ASIC2: variants seen among roughly 807,000 people sequenced by gnomAD.
The protein encoded by ASIC2 is acid sensing ion channel subunit 2, also known as acid-sensing ion channel 2.
In ASIC2, 25 loss-of-function variants were observed where a neutral mutation model predicts 57.3. The observed-to-expected ratio is 0.44, with a 90% CI of 0.32 to 0.61. The LOEUF (loss-of-function observed/expected upper bound fraction) is 0.61. Ranked by LOEUF, ASIC2 falls within the 20% of genes least tolerant of loss-of-function variation. ASIC2 has a pLI of 0.06. For synonymous variants in ASIC2, 319 were observed against 307.5 expected, an observed-to-expected ratio of 1.04 and a Z score of -0.39; for missense variants, 641 against 738.1, an observed-to-expected ratio of 0.87 and a Z score of 1.52.
At chr17:33,481,712 A>C (rs1913412259) in intron 1 of ASIC2, among the ~76,000 whole-genome samples, 1 of 152,230 alleles carries the variant, frequency 6.6e-6, no homozygotes. Flanking sequence ...AAACAAAAAC[A>C]AAACAAAACC....
chr17:33,698,063 A>G (rs1213949165), intron 1 of ASIC2, among the ~76,000 whole-genome samples: 1 of 152,260 alleles, frequency 6.6e-6, no homozygotes, highest in Non-Finnish European at 1.5e-5. Context: ...TAATTACAAA[A>G]TTAGAACTAC....
intron 1 of ASIC2, among the ~76,000 whole-genome samples, chr17:33,405,737 C>T (rs1035952125): frequency 5.3e-5 from 8 of 152,120 alleles, no homozygotes; most frequent in African/African-American, 1.9e-4. Context: ...CCGCCTTGGC[C>T]TCCCAAAGTG....
intron 1 of ASIC2, among the ~76,000 whole-genome samples, chr17:33,740,471 G>A (rs905930890): frequency 2.0e-5 from 3 of 152,178 alleles, no homozygotes; most frequent in Non-Finnish European, 4.4e-5. Context: ...GTCAGATCTC[G>A]TGAGAGCTCA....
chr17:33,560,205 G>T (rs1375468190), intron 1 of ASIC2, among the ~76,000 whole-genome samples: 1 of 152,192 alleles, frequency 6.6e-6, no homozygotes, highest in Admixed American at 6.5e-5. Flanking sequence ...TCATCAATTT[G>T]CTAAAAATAA....
chr17:33,956,067 A>G (rs1904725341), intron 1 of ASIC2, among the ~76,000 whole-genome samples: 1 of 152,196 alleles, frequency 6.6e-6, no homozygotes, highest in South Asian at 2.1e-4. Flanking sequence ...CAAGGTAGAG[A>G]CAAGTCAGAG....
At chr17:33,758,545 G>C (rs1910682683) in intron 1 of ASIC2, among the ~76,000 whole-genome samples, 1 of 152,152 alleles carries the variant, frequency 6.6e-6, no homozygotes, top group African/African-American at 2.4e-5. Flanking sequence ...TACATTAAGA[G>C]GTGGGGCCTT....
chr17:33,334,090 C>T (rs1487279380), intron 1 of ASIC2, among the ~76,000 whole-genome samples: 1 of 152,192 alleles, frequency 6.6e-6, no homozygotes, highest in Non-Finnish European at 1.5e-5. Flanking sequence ...CCCAGAAGCA[C>T]AACTATTTTC....
intron 1 of ASIC2, among the ~76,000 whole-genome samples, chr17:34,033,640 G>A (rs1907726930): frequency 6.6e-6 from 1 of 152,120 alleles, no homozygotes; most frequent in Non-Finnish European, 1.5e-5. Context: ...GAAGAAAAGA[G>A]AGAAGAATCA....
chr17:33,934,762 A>AC (rs1281849085), intron 1 of ASIC2, among the ~76,000 whole-genome samples: 1 of 152,134 alleles, frequency 6.6e-6, no homozygotes, highest in Non-Finnish European at 1.5e-5. Flanking sequence ...TCTCCAACAC[A>AC]CTTGCATACA....
chr17:33,541,020 G>C (rs1257442510), intron 1 of ASIC2, among the ~76,000 whole-genome samples: 1 of 151,694 alleles, frequency 6.6e-6, no homozygotes, highest in Non-Finnish European at 1.5e-5. Context: ...AGACTCCTGT[G>C]TCTTATGTGG....
chr17:33,971,702 GA>G (rs200271945), intron 1 of ASIC2, among the ~76,000 whole-genome samples: 7 of 151,242 alleles, frequency 4.6e-5, no homozygotes, highest in Admixed American at 6.6e-5. Flanking sequence ...CTGTATTTGT[GA>G]AAAAAAAATT....
chr17:33,895,041 T>C (rs898081419), intron 1 of ASIC2, among the ~76,000 whole-genome samples: 1 of 152,214 alleles, frequency 6.6e-6, no homozygotes, highest in African/African-American at 2.4e-5. Flanking sequence ...GGGTTGTACA[T>C]TCAAGTTCTG....
At chr17:34,017,275 T>C (rs1294045669) in intron 1 of ASIC2, among the ~76,000 whole-genome samples, 1 of 152,214 alleles carries the variant, frequency 6.6e-6, no homozygotes, top group Non-Finnish European at 1.5e-5. Context: ...GGGGGCATCA[T>C]GAATCTCACT....
intron 1 of ASIC2, chr17:34,037,547 T>C: frequency 7.3e-7 from 1 of 1,371,674 alleles, no homozygotes; most frequent in Non-Finnish European, 9.9e-7. Context: ...GGATTCGCTA[T>C]GTTCCAAACC....
intron 1 of ASIC2, among the ~76,000 whole-genome samples, chr17:33,134,735 C>T (rs959730116): frequency 1.3e-5 from 2 of 152,222 alleles, no homozygotes; most frequent in South Asian, 2.1e-4. Context: ...CCTTGCTCTC[C>T]CACTTGGCTG....
intron 1 of ASIC2, among the ~76,000 whole-genome samples, chr17:33,234,571 T>G (rs1480207414): frequency 6.6e-6 from 1 of 152,142 alleles, no homozygotes; most frequent in Admixed American, 6.5e-5. Context: ...CAGGCTGCAA[T>G]AACAAAAGCA....
chr17:33,981,573 G>A (rs574790716), intron 1 of ASIC2, among the ~76,000 whole-genome samples: 40 of 151,798 alleles, frequency 2.6e-4, no homozygotes, highest in African/African-American at 8.9e-4. Context: ...GCTCTCAAAT[G>A]TATGTTCTTT....
At chr17:33,841,033 A>C (rs1913421303) in intron 1 of ASIC2, among the ~76,000 whole-genome samples, 1 of 152,142 alleles carries the variant, frequency 6.6e-6, no homozygotes, top group Admixed American at 6.5e-5. Context: ...CCTGGAGACC[A>C]CCTGAACAAG....
At chr17:33,335,528 A>G (rs547149652) in intron 1 of ASIC2, among the ~76,000 whole-genome samples, 219 of 151,844 alleles carry the variant, frequency 1.4e-3, no homozygotes, top group Non-Finnish European at 2.4e-3. Context: ...GCTTCAAAGT[A>G]TAGGCATATT....
Sources: allele counts gnomAD v4.1 joint callset (sites outside exome capture counted in the v4.1 genomes callset), GRCh38; gene constraint gnomAD v4.1.1; transcripts MANE v1.5; gene names NCBI Gene and HGNC (gene_info 2026-07-23, HGNC 2026-07-21).